The following PLCB1 variants were observed in gnomAD, a reference collection of about 807,000 sequenced individuals.
PLCB1 encodes the protein phospholipase C beta 1.
PLCB1 carries 46 observed loss-of-function variants against 161.8 expected under a neutral mutation model. The ratio of observed to expected loss-of-function variants is 0.28; its 90% CI spans 0.22 to 0.36. The LOEUF (loss-of-function observed/expected upper bound fraction) is 0.36, where lower values mean the gene tolerates loss of function less well. Among genes scored for constraint, PLCB1 ranks in the 10% least tolerant of loss-of-function variants. The pLI, the probability that PLCB1 is intolerant of heterozygous loss-of-function variation, is 1.00. For missense variants in PLCB1, 1,016 were observed against 1,472.5 expected (o/e 0.69, Z 5.07); for synonymous variants, 517 against 503.7 (o/e 1.03, Z -0.35).
At chr20:8,520,495 T>C (rs1446881399) in intron 3 of PLCB1, among the ~76,000 whole-genome samples, 1 of 152,144 alleles carries the variant, frequency 6.6e-6, no homozygotes, top group Non-Finnish European at 1.5e-5. Context: ...TAACAACCTA[T>C]GCACCTTTTT....
chr20:8,820,617 T>C (rs1025116549), intron 31 of PLCB1, among the ~76,000 whole-genome samples: 1 of 152,136 alleles, frequency 6.6e-6, no homozygotes, highest in Admixed American at 6.6e-5. Flanking sequence ...AACCAGAAAT[T>C]CCTCATCAAG....
intron 3 of PLCB1, among the ~76,000 whole-genome samples, chr20:8,555,382 C>T (rs1985917671): frequency 6.6e-6 from 1 of 152,094 alleles, no homozygotes; most frequent in East Asian, 1.9e-4. Context: ...CTACACTCCT[C>T]TTCCTCCATC....
intron 3 of PLCB1, among the ~76,000 whole-genome samples, chr20:8,547,059 A>G (rs1201677136): frequency 1.3e-5 from 2 of 152,314 alleles, no homozygotes; most frequent in Admixed American, 6.5e-5. Flanking sequence ...ACAAATGCTT[A>G]CATTTCTAGA....
At chr20:8,632,434 A>C (rs1436518121) in intron 4 of PLCB1, among the ~76,000 whole-genome samples, 1 of 152,192 alleles carries the variant, frequency 6.6e-6, no homozygotes. Context: ...CAAGCAGTGA[A>C]GAAAACAGAT....
At position 8,883,173 on chromosome 20, in the gene PLCB1, C is replaced by A. The variant is rs1988055445; in HGVS notation, c.*1324C>A. The A allele has an allele frequency of 6.6e-6, 1 of 151,910 alleles. No homozygotes were observed. The highest frequency in any genetic ancestry group is 6.6e-5 in the Admixed American group (1 of 15,244). 9.4% of individuals were successfully genotyped at this position (151,910 alleles called of 1,614,324 possible). ...CAGATTTTAAGCTTGTTTTAATGGTCAAAAAATTAGGACAGAAATAATATG... is the reference window on the plus strand; with the variant it reads ...CAGATTTTAAGCTTGTTTTAATGGTAAAAAAATTAGGACAGAAATAATATG... On this transcript the variant is annotated 3_prime_UTR_variant, in exon 32 of 32. Coordinates refer to ENST00000338037, the MANE Select transcript of PLCB1 (RefSeq NM_015192.4).
chr20:8,739,345 C>G lies in PLCB1; in HGVS notation c.2293C>G (p.Gln765Glu), dbSNP rs1980748318. The G allele has an allele frequency of 3.7e-6, 6 of 1,611,702 alleles. No homozygotes were observed. Among genetic ancestry groups the G allele is most frequent in the Non-Finnish European group, 5.1e-6 (6 of 1,177,752 alleles). ...KFIGHRILPV[Q>E]AIRPGYHYIC... ...CATTGGCCACCGTATCTTGCCAGTG[C>G]AAGCCATTCGGCCAGGTATGGGTAG... Residue 765 changes from glutamine to glutamate, a missense_variant, in exon 21 of 32, where the codon CAA becomes GAA. Physicochemically the swap from Gln to Glu is conservative, Grantham distance 29. Transcript: ENST00000338037.
At chr20:8,564,721 A>T (rs977047980) in intron 3 of PLCB1, among the ~76,000 whole-genome samples, 1 of 152,196 alleles carries the variant, frequency 6.6e-6, no homozygotes, top group Non-Finnish European at 1.5e-5. Context: ...TGCAGCCAAC[A>T]TACATATGAA....
chr20:8,567,282 G>A lies in PLCB1; in HGVS notation c.247-61012G>A, dbSNP rs190360690. ...AGAGTTTTAACTTAAAGTTAAAAGC[G>A]GAGGGGTGCTAAAATGTTGACTCTG... On this transcript the variant is annotated intron_variant, in intron 3 of 31. Transcript: ENST00000338037. 9.2e-4 allele frequency among the ~76,000 whole-genome samples: 140 copies of A among 152,194 alleles called. 3 individuals carry two copies. Among genetic ancestry groups the A allele is most frequent in the African/African-American group, 3.3e-3 (139 of 41,540 alleles).
intron 2 of PLCB1, among the ~76,000 whole-genome samples, chr20:8,312,865 C>G (rs890579407): frequency 1.8e-4 from 28 of 151,900 alleles, no homozygotes; most frequent in Non-Finnish European, 3.2e-4. Context: ...AATCATTGGT[C>G]AGCTCTCCTG....
chr20:8,526,898 C>A (rs779857184), intron 3 of PLCB1, among the ~76,000 whole-genome samples: 65 of 151,982 alleles, frequency 4.3e-4, no homozygotes, highest in Non-Finnish European at 8.1e-4. Context: ...AGGTTTTCAC[C>A]CCTCATCTTT....
chr20:8,698,997 CA>C (rs1275369259), intron 11 of PLCB1, among the ~76,000 whole-genome samples: 1 of 152,146 alleles, frequency 6.6e-6, no homozygotes. Context: ...GAGCCTTCCC[CA>C]GGGGGTAGGG....
At chr20:8,443,304 G>C (rs1980656738) in intron 3 of PLCB1, among the ~76,000 whole-genome samples, 1 of 152,222 alleles carries the variant, frequency 6.6e-6, no homozygotes, top group Middle Eastern at 3.4e-3. Context: ...AATGCAACTG[G>C]CAGTTGACTG....
At chr20:8,830,179 G>A (rs1985914799) in intron 31 of PLCB1, among the ~76,000 whole-genome samples, 1 of 152,190 alleles carries the variant, frequency 6.6e-6, no homozygotes, top group Non-Finnish European at 1.5e-5. Context: ...TCATAGGAAG[G>A]GGTTCAAGTC....
At chr20:8,581,859 A>G (rs909291963) in intron 3 of PLCB1, among the ~76,000 whole-genome samples, 4 of 152,204 alleles carry the variant, frequency 2.6e-5, no homozygotes, top group African/African-American at 9.7e-5. Context: ...TGGAAAATGA[A>G]TCCAAATTGG....
chr20:8,230,045 C>T (rs1600248348), intron 2 of PLCB1, among the ~76,000 whole-genome samples: 2 of 106,014 alleles, frequency 1.9e-5, no homozygotes, highest in African/African-American at 3.3e-5. Flanking sequence ...AACAGAGTTG[C>T]GACTTGGCAG....
chr20:8,304,850 C>A (rs1396895717), intron 2 of PLCB1, among the ~76,000 whole-genome samples: 1 of 152,078 alleles, frequency 6.6e-6, no homozygotes, highest in Non-Finnish European at 1.5e-5. Context: ...GAAACTTGCT[C>A]ACCAGGATCT....
chr20:8,418,665 T>TA (rs987247257), intron 3 of PLCB1, among the ~76,000 whole-genome samples: 12 of 152,242 alleles, frequency 7.9e-5, no homozygotes, highest in South Asian at 2.1e-4. Context: ...TATATTGTAA[T>TA]AAAAAATCAA....
chr20:8,866,217 A>G (rs2146319243), intron 31 of PLCB1, among the ~76,000 whole-genome samples: 1 of 152,370 alleles, frequency 6.6e-6, no homozygotes, highest in African/African-American at 2.4e-5. Flanking sequence ...GGAGATGTCC[A>G]ATATTCTCTA....
chr20:8,552,926 G>C (rs1985821577), intron 3 of PLCB1, among the ~76,000 whole-genome samples: 1 of 152,118 alleles, frequency 6.6e-6, no homozygotes, highest in Non-Finnish European at 1.5e-5. Flanking sequence ...ACCTCAGGGA[G>C]TTATTGAGAA....
Sources: gnomAD v4.1 joint callset for allele counts (sites outside exome capture counted in the v4.1 genomes callset) on GRCh38, gnomAD v4.1.1 for gene constraint, MANE v1.5 for transcripts, NCBI Gene and HGNC (gene_info 2026-07-23, HGNC 2026-07-21) for gene names.